TECPR2: variants seen among roughly 807,000 people sequenced by gnomAD.
TECPR2 encodes tectonin beta-propeller repeat containing 2, also known as tectonin beta-propeller repeat-containing protein 2.
TECPR2 carries 65 observed loss-of-function variants against 138.1 expected under a neutral mutation model. The observed-to-expected ratio is 0.47, with a 90% confidence interval of 0.39 to 0.58. The LOEUF (loss-of-function observed/expected upper bound fraction) is 0.58, where lower values mean the gene tolerates loss of function less well. Among genes scored for constraint, TECPR2 ranks in the 20% least tolerant of loss-of-function variants. The pLI is 0.00. For synonymous variants in TECPR2, 746 were observed against 749.8 expected, an observed-to-expected ratio of 0.99 and a Z score of 0.08; for missense variants, 1,553 against 1,824.5, an observed-to-expected ratio of 0.85 and a Z score of 2.71.
chr14:102,369,786 C>CA (rs976147795), intron 1 of TECPR2, among the ~76,000 whole-genome samples: 7 of 142,624 alleles, frequency 4.9e-5, no homozygotes, highest in Non-Finnish European at 7.9e-5. Context: ...CTAAAAAAAA[C>CA]AAAAAAACAA....
intron 16 of TECPR2, among the ~76,000 whole-genome samples, chr14:102,462,958 C>A (rs1890444276): frequency 6.6e-6 from 1 of 152,154 alleles, no homozygotes; most frequent in African/African-American, 2.4e-5. Context: ...AGATTCCCAG[C>A]ATCATTCCTT....
intron 17 of TECPR2, among the ~76,000 whole-genome samples, chr14:102,466,964 C>T (rs563120350): frequency 1.3e-5 from 2 of 152,260 alleles, no homozygotes; most frequent in African/African-American, 4.8e-5. Context: ...TATCATGTTT[C>T]GGAGTTCATC....
Position 102,498,752 on chromosome 14 carries a change from A to G in TECPR2, c.*495A>G. ...ATCATAGGGGGGTGTCCCCCCAGAG[A>G]CAAAGCTGCAGAGCACATTCCATGC... is the stretch of plus-strand genomic sequence containing the variant. On this transcript the variant is annotated 3_prime_UTR_variant, in exon 20 of 20. Coordinates refer to ENST00000359520, the MANE Select transcript of TECPR2 (RefSeq NM_014844.5). 4.3e-6 allele frequency: 2 copies of G among 466,696 alleles called. No individual in the cohort carries two copies. The highest frequency in any genetic ancestry group is 4.2e-6 in the Non-Finnish European group (1 of 237,372). 28.9% of individuals were successfully genotyped at this position (466,696 alleles called of 1,614,324 possible).
intron 2 of TECPR2, among the ~76,000 whole-genome samples, chr14:102,394,493 T>C (rs1429575908): frequency 3.9e-5 from 6 of 152,070 alleles, no homozygotes; most frequent in Non-Finnish European, 8.8e-5. Context: ...TCCCAGCTAC[T>C]TGTAGGGGCT....
intron 17 of TECPR2, among the ~76,000 whole-genome samples, chr14:102,484,503 G>A (rs996804256): frequency 6.6e-5 from 10 of 152,154 alleles, no homozygotes; most frequent in South Asian, 2.1e-4. Context: ...TGTGGGCCCC[G>A]CGGGTCTCTG....
chr14:102,483,957 TG>T (rs1322175218), intron 17 of TECPR2, among the ~76,000 whole-genome samples: 1 of 102,214 alleles, frequency 9.8e-6, no homozygotes, highest in Non-Finnish European at 1.9e-5. Context: ...CCACCATGCC[TG>T]GCTGATTCTT....
At position 102,452,525 on chromosome 14, in the gene TECPR2, G is replaced by A. The variant is rs1043491606; in HGVS notation, c.3538G>A (p.Ala1180Thr). 6.2e-7 allele frequency: 1 copy of A among 1,612,146 alleles called. No individual in the cohort carries two copies. Among genetic ancestry groups the A allele is most frequent in the South Asian group, 1.1e-5 (1 of 90,762 alleles). Residue 1180 changes from alanine to threonine, a missense_variant, in exon 16 of 20, where the codon GCG (alanine) becomes ACG (threonine). Transcript: ENST00000359520. ...GCGCGCCTATGCCGCCTGCCAGGAT[G>A]CGCTGTGGGCGCTGGACAGCCTCGG... The part of the protein sequence containing the change: ...EMRAYAACQD[A>T]LWALDSLGQV...
chr14:102,479,795 C>A (rs118089761), intron 17 of TECPR2, among the ~76,000 whole-genome samples: 2 of 152,202 alleles, frequency 1.3e-5, no homozygotes, highest in African/African-American at 4.8e-5. Flanking sequence ...ACTGAGCCAG[C>A]GTCGCTTGTA....
chr14:102,397,691 G>A (rs1289991433), intron 2 of TECPR2, among the ~76,000 whole-genome samples: 1 of 152,146 alleles, frequency 6.6e-6, no homozygotes, highest in Non-Finnish European at 1.5e-5. Context: ...AGGTTGCAGT[G>A]AGCCGAGATT....
chr14:102,364,223 T>C (rs1887279644), intron 1 of TECPR2, among the ~76,000 whole-genome samples: 1 of 152,244 alleles, frequency 6.6e-6, no homozygotes, highest in Non-Finnish European at 1.5e-5. Flanking sequence ...ATGAAGCCAC[T>C]GTAGCTCCTT....
In TECPR2 at chr14:102,407,334, C is replaced by A. The variant is rs199851151; in HGVS notation, c.220-4C>A. On this transcript the variant is annotated splice_polypyrimidine_tract_variant and splice_region_variant and intron_variant, in intron 2 of 19. Coordinates refer to ENST00000359520, the MANE Select transcript of TECPR2 (RefSeq NM_014844.5). ...AGATTCATTTGTTTTCAACGTTTCC[C>A]CAGGGGAAGACGGAATCTATCACTG... is the stretch of plus-strand genomic sequence containing the variant. 1.3e-6 allele frequency: 2 copies of A among 1,594,872 alleles called. No homozygotes were observed. Among genetic ancestry groups the A allele is most frequent in the Non-Finnish European group, 1.7e-6 (2 of 1,172,640 alleles).
intron 8 of TECPR2, 117 bp downstream of exon 8, chr14:102,432,245 AC>A: frequency 9.3e-7 from 1 of 1,079,062 alleles, no homozygotes; most frequent in South Asian, 1.8e-5. Context: ...GAGAACACAT[AC>A]ATTTCTTCCC....
At chr14:102,437,301 C>CT in intron 9 of TECPR2, 1 of 701,090 alleles carries the variant, frequency 1.4e-6, no homozygotes, top group Non-Finnish European at 1.8e-6. Flanking sequence ...AATCCCAGCA[C>CT]TTTGGGAGGC....
At chr14:102,442,558 G>A (rs906802793) in intron 11 of TECPR2, among the ~76,000 whole-genome samples, 9 of 152,228 alleles carry the variant, frequency 5.9e-5, no homozygotes, top group Non-Finnish European at 1.0e-4. Context: ...TGGGGGTGAG[G>A]AGCGAGTGAC....
chr14:102,437,503 G>T (rs12147156), intron 9 of TECPR2, among the ~76,000 whole-genome samples: 14,550 of 152,006 alleles, frequency 0.096, 988 homozygotes, highest in African/African-American at 0.2. Context: ...GCAGTGAGCC[G>T]AGATTGTGCC....
At chr14:102,489,385 G>A (rs926217559) in intron 17 of TECPR2, among the ~76,000 whole-genome samples, 2 of 151,680 alleles carry the variant, frequency 1.3e-5, no homozygotes, top group African/African-American at 4.8e-5. Context: ...TTGGGAGGCT[G>A]AGGTGGGTGG....
At chr14:102,442,165 G>C (rs1889852767) in intron 11 of TECPR2, among the ~76,000 whole-genome samples, 1 of 152,216 alleles carries the variant, frequency 6.6e-6, no homozygotes, top group Non-Finnish European at 1.5e-5. Context: ...TTTTAGTAGA[G>C]GCAGGGTTTC....
chr14:102,485,269 A>G (rs931605173), intron 17 of TECPR2, among the ~76,000 whole-genome samples: 5 of 152,224 alleles, frequency 3.3e-5, no homozygotes, highest in African/African-American at 9.6e-5. Flanking sequence ...CAGCACAACT[A>G]TGCTGCCTGC....
rs1891421479 is a variant in TECPR2 at position 102,500,864 on chromosome 14, C to T, written c.*2607C>T. Reference sequence around the variant, plus strand: ...TGACTGTGCCCAATGTGCTTCTCACCAGAGCCCTGCAAGGGGAAGTCTCAT... The same window carrying T: ...TGACTGTGCCCAATGTGCTTCTCACTAGAGCCCTGCAAGGGGAAGTCTCAT... On this transcript the variant is annotated 3_prime_UTR_variant, in exon 20 of 20. Coordinates refer to ENST00000359520, the MANE Select transcript of TECPR2 (RefSeq NM_014844.5). The T allele has an allele frequency of 6.6e-6, 1 of 152,246 alleles. No individual in the cohort carries two copies. Among genetic ancestry groups the T allele is most frequent in the African/African-American group, 2.4e-5 (1 of 41,448 alleles). 9.4% of individuals were successfully genotyped at this position (152,246 alleles called of 1,614,324 possible). A position where few individuals can be genotyped will look rare whatever the true frequency, so the allele number is the denominator to read the frequency against.
Sources: allele counts gnomAD v4.1 joint callset (sites outside exome capture counted in the v4.1 genomes callset), GRCh38; gene constraint gnomAD v4.1.1; transcripts MANE v1.5; gene names NCBI Gene and HGNC (gene_info 2026-07-23, HGNC 2026-07-21).